TNIK: variants seen among roughly 807,000 people sequenced by gnomAD.
The protein encoded by TNIK is TRAF2 and NCK interacting kinase, also known as TRAF2 and NCK-interacting protein kinase.
In TNIK, 49 loss-of-function variants were observed where a neutral mutation model predicts 191.3. That is an observed-to-expected ratio of 0.26 (90% confidence interval 0.20 to 0.32). The LOEUF is 0.32. Ranked by LOEUF, TNIK falls within the 10% of genes least tolerant of loss-of-function variation. TNIK has a pLI of 1.00. For synonymous variants in TNIK, 594 were observed against 600.9 expected (o/e 0.99, Z 0.17); for missense variants, 1,155 against 1,702.3 (o/e 0.68, Z 5.66).
chr3:171,064,793 G>A (rs1022638569), intron 32 of TNIK, among the ~76,000 whole-genome samples: 1 of 152,166 alleles, frequency 6.6e-6, no homozygotes, highest in Admixed American at 6.5e-5. Context: ...CCTAACTTTT[G>A]TTAGGTAGTT....
At chr3:171,166,029 G>A (rs1734580493) in intron 10 of TNIK, among the ~76,000 whole-genome samples, 1 of 152,204 alleles carries the variant, frequency 6.6e-6, no homozygotes, top group Admixed American at 6.5e-5. Flanking sequence ...GAAAGGTACT[G>A]TTTCCTCAAA....
chr3:171,282,334 G>GTTTTTTTTTTTTTTTTTTTTTTTTTTTTT lies in TNIK; in HGVS notation c.124-54114_124-54113insAAAAAAAAAAAAAAAAAAAAAAAAAAAAA, dbSNP rs201489240. ...GAACTATCTGCAGATTCTCTTAATGGTTTTTTGTTTTTTTTTTTTTTTTTG... is the reference window on the plus strand; with the variant it reads ...GAACTATCTGCAGATTCTCTTAATGGTTTTTTTTTTTTTTTTTTTTTTTTTTTTTTTTTTTGTTTTTTTTTTTTTTTTTG... On this transcript the variant is annotated intron_variant, in intron 2 of 32. Transcript: ENST00000436636. Among the ~76,000 whole-genome samples, 25 of 114,544 alleles carry GTTTTTTTTTTTTTTTTTTTTTTTTTTTTT rather than the reference G, an allele frequency of 2.2e-4. 3 individuals are homozygous for GTTTTTTTTTTTTTTTTTTTTTTTTTTTTT. The highest frequency in any genetic ancestry group is 2.7e-4 in the Non-Finnish European group (15 of 56,076). The allele number at this position is 114,544 out of a possible 152,430, so 75.1% of individuals were successfully genotyped here.
At chr3:171,086,622 G>A (rs1177495668) in intron 24 of TNIK, among the ~76,000 whole-genome samples, 1 of 152,220 alleles carries the variant, frequency 6.6e-6, no homozygotes. Context: ...AACTTAGTGT[G>A]TGGACAATGT....
At chr3:171,066,488 T>TG in intron 31 of TNIK, 88 bp downstream of exon 31, 1 of 1,465,006 alleles carries the variant, frequency 6.8e-7, no homozygotes, top group Admixed American at 2.2e-5. Flanking sequence ...TTTTTTTTTG[T>TG]GGAATCAAAT....
At position 171,107,206 on chromosome 3, in the gene TNIK, T is replaced by C; in HGVS notation, c.2383A>G (p.Ser795Gly). ...RDITRPSRPA[S>G]YKKAIDEDLT... is the part of the protein sequence containing the mutation. ...ACCTCATCTATAGCTTTTTTGTAGC[T>C]CTGAAATGAGAGGAACCCAATCCAG... Residue 795 changes from serine to glycine, a missense_variant and splice_region_variant, in exon 21 of 33, where the codon AGC becomes GGC. Ser to Gly is a moderately conservative substitution (Grantham distance 56). Around this residue, in one of 3 missense-constraint regions of TNIK, gnomAD observed 735 missense variants for 848.0 expected, o/e 0.87. Transcript: ENST00000436636. The C allele has an allele frequency of 6.2e-7, 1 of 1,611,926 alleles. No individual in the cohort carries two copies. The highest frequency in any genetic ancestry group is 8.5e-7 in the Non-Finnish European group (1 of 1,179,220).
chr3:171,405,738 C>T (rs1365077112), intron 1 of TNIK, among the ~76,000 whole-genome samples: 1 of 152,110 alleles, frequency 6.6e-6, no homozygotes, highest in Non-Finnish European at 1.5e-5. Context: ...CTATTTTCAA[C>T]CAAGTTTAAT....
intron 2 of TNIK, among the ~76,000 whole-genome samples, chr3:171,355,884 C>G (rs942237612): frequency 2.0e-4 from 30 of 152,214 alleles, no homozygotes; most frequent in African/African-American, 7.2e-4. Flanking sequence ...TTGTCTCTCC[C>G]CACCCTCAAC....
intron 1 of TNIK, among the ~76,000 whole-genome samples, chr3:171,402,808 T>C (rs1721122830): frequency 6.6e-6 from 1 of 152,218 alleles, no homozygotes; most frequent in Non-Finnish European, 1.5e-5. Context: ...CCAGCTCAAA[T>C]AAATTAATGT....
At chr3:171,428,830 C>T (rs188184404) in intron 1 of TNIK, among the ~76,000 whole-genome samples, 2 of 152,236 alleles carry the variant, frequency 1.3e-5, no homozygotes, top group Admixed American at 1.3e-4. Flanking sequence ...CCATAGCCTC[C>T]TCTTTCTCTT....
intron 3 of TNIK, among the ~76,000 whole-genome samples, chr3:171,219,871 A>G (rs972960776): frequency 3.3e-5 from 5 of 152,186 alleles, no homozygotes; most frequent in African/African-American, 1.2e-4. Flanking sequence ...ATACCATTTG[A>G]CCCAGCAATC....
intron 2 of TNIK, among the ~76,000 whole-genome samples, chr3:171,352,316 C>T (rs1280017658): frequency 3.3e-5 from 5 of 152,146 alleles, no homozygotes; most frequent in Non-Finnish European, 7.4e-5. Flanking sequence ...AAAATCTATT[C>T]ACCTTTTAAG....
rs1718014965 is a variant in TNIK, at chr3:171,063,218, T to C, written c.*663A>G. On this transcript the variant is annotated 3_prime_UTR_variant, in exon 33 of 33. Transcript: ENST00000436636. ...ACTAGTAGTTTTAAGGCTAGTAGTT[T>C]AGCCATTTAAAATCTATTTCCCAAA... is the stretch of plus-strand genomic sequence containing the variant. 2 of 152,216 alleles carry C rather than the reference T, an allele frequency of 1.3e-5. No individual in the cohort carries two copies. 9.4% of individuals were successfully genotyped at this position (152,216 alleles called of 1,614,324 possible).
chr3:171,436,356 G>T (rs1249280399), intron 1 of TNIK, among the ~76,000 whole-genome samples: 1 of 152,222 alleles, frequency 6.6e-6, no homozygotes, highest in Non-Finnish European at 1.5e-5. Flanking sequence ...TGATGCTGAT[G>T]TTGAATGTAT....
At chr3:171,167,592 G>T (rs1734764017) in intron 9 of TNIK, among the ~76,000 whole-genome samples, 1 of 152,144 alleles carries the variant, frequency 6.6e-6, no homozygotes, top group African/African-American at 2.4e-5. Context: ...CATCTAGAAG[G>T]GCTATTGGAA....
At chr3:171,401,551 G>C (rs1345187619) in intron 1 of TNIK, among the ~76,000 whole-genome samples, 1 of 152,000 alleles carries the variant, frequency 6.6e-6, no homozygotes, top group Non-Finnish European at 1.5e-5. Flanking sequence ...AAGAAGTAGA[G>C]GGCTTAGGGA....
chr3:171,175,803 T>G (rs753058160), intron 8 of TNIK, among the ~76,000 whole-genome samples: 20 of 152,234 alleles, frequency 1.3e-4, no homozygotes, highest in Admixed American at 3.3e-4. Flanking sequence ...ACACAGATTT[T>G]TGGAGTCCAA....
intron 2 of TNIK, among the ~76,000 whole-genome samples, chr3:171,299,013 T>G (rs13079345): frequency 0.45 from 68,903 of 152,014 alleles, 16,320 homozygotes; most frequent in Non-Finnish European, 0.51. Flanking sequence ...GACCGAAGTC[T>G]TGGTGGGATG....
chr3:171,122,329 G>C (rs564949449), intron 18 of TNIK, among the ~76,000 whole-genome samples: 1 of 152,332 alleles, frequency 6.6e-6, no homozygotes, highest in South Asian at 2.1e-4. Flanking sequence ...GAGGGGCACT[G>C]ATAAAGTTCA....
intron 2 of TNIK, among the ~76,000 whole-genome samples, chr3:171,284,941 T>G (rs557044638): frequency 1.3e-5 from 2 of 152,360 alleles, no homozygotes; most frequent in East Asian, 3.9e-4. Flanking sequence ...AAATTTATTC[T>G]GAGCAGATGC....
Sources: allele counts gnomAD v4.1 joint callset (sites outside exome capture counted in the v4.1 genomes callset), GRCh38; gene constraint gnomAD v4.1.1; regional missense constraint gnomAD v4.1.1; transcripts MANE v1.5; gene names NCBI Gene and HGNC (gene_info 2026-07-23, HGNC 2026-07-21).